Variants in CD3D observed in about 807,000 individuals in gnomAD.
CD3D encodes the protein CD3 delta subunit of T-cell receptor complex.
A neutral mutation model predicts 22.0 loss-of-function variants in CD3D; 22 were observed. The ratio of observed to expected loss-of-function variants is 1.00; its 90% CI spans 0.71 to 1.43. The LOEUF is 1.43. Ranked by LOEUF, CD3D falls within the 40% of genes most tolerant of loss-of-function variation. CD3D has a pLI of 0.00. For missense variants in CD3D, 205 were observed against 211.7 expected (o/e 0.97, Z 0.20); for synonymous variants, 74 against 81.2 (o/e 0.91, Z 0.48).
intron 3 of CD3D, 64 bp from the exon 4 acceptor site, chr11:118,339,558 C>A (rs938343493): frequency 6.3e-7 from 1 of 1,597,570 alleles, no homozygotes; most frequent in Non-Finnish European, 8.6e-7. Context: ...CACCCTCCCA[C>A]ACCCTCAGAA....
intron 4 of CD3D, 84 bp downstream of exon 4, chr11:118,339,367 C>T: frequency 1.9e-6 from 3 of 1,539,506 alleles, no homozygotes; most frequent in Non-Finnish European, 2.7e-6. Flanking sequence ...AGGACCCTTC[C>T]CACGTGCAAA....
chr11:118,340,764 C>T, intron 1 of CD3D, 171 bp from the exon 2 acceptor site: 1 of 695,724 alleles, frequency 1.4e-6, no homozygotes. Flanking sequence ...AGTTCCCCAC[C>T]AACTGCAGGG....
rs772480820 is a variant in CD3D at position 118,339,938 on chromosome 11, G to A, written c.275-32C>T. 3 of 1,613,666 alleles carry A rather than the reference G, an allele frequency of 1.9e-6. No homozygotes were observed. In the African/African-American group the frequency reaches 4.0e-5, roughly 22 times the overall value. ...GGGAAGGGAGGAGAGAGGAGAGGTT[G>A]AGAGCCTTTAAGATCAGGGAACCAT... is the stretch of plus-strand genomic sequence containing the variant. On this transcript the variant is annotated intron_variant, in intron 2 of 4. Coordinates refer to ENST00000300692, the MANE Select transcript of CD3D (RefSeq NM_000732.6).
Position 118,342,461 on chromosome 11 carries a change from G to A in CD3D, c.55+92C>T, listed in dbSNP as rs565377656. ...TCTGGGATTACTGGTGTGAGCCACC[G>A]TGCCTGGCAAGAAACACTTTCAAGT... On this transcript the variant is annotated intron_variant, in intron 1 of 4. Coordinates refer to ENST00000300692, the MANE Select transcript of CD3D (RefSeq NM_000732.6). 3.2e-4 allele frequency: 372 copies of A among 1,175,152 alleles called. 5 individuals carry two copies. The South Asian group carries it at 3.8e-3, about 12-fold the overall frequency. 72.8% of individuals were successfully genotyped at this position (1,175,152 alleles called of 1,614,324 possible).
chr11:118,339,240 A>G lies in CD3D; in HGVS notation c.451-13T>C. 6.2e-7 allele frequency: 1 copy of G among 1,612,764 alleles called. No individual in the cohort carries two copies. The highest frequency in any genetic ancestry group is 1.1e-5 in the South Asian group (1 of 91,040). ...GATCTCGGAGGGGCTAAGAGAGGAG[A>G]AGAGAAAACGGTCAGGAGGCAGGGT... On this transcript the variant is annotated splice_polypyrimidine_tract_variant and intron_variant, in intron 4 of 4. Coordinates refer to ENST00000300692, the MANE Select transcript of CD3D (RefSeq NM_000732.6).
In CD3D at chr11:118,340,457, G is replaced by T. The variant is rs1215317466; in HGVS notation, c.192C>A (p.Ile64=). The change falls in exon 2 of 5, where the codon ATC becomes ATA. Residue 64 remains isoleucine (I), a synonymous_variant. Transcript: ENST00000300692. ...ACCTATATATTCCTCGTGGGTCCAG[G>T]ATGCGTTTTCCCAGGTCCAGTCTTG... ...DITRLDLGKR[I]LDPRGIYRCN... is the part of the protein sequence containing the mutation. 1 of 1,613,934 alleles carries T rather than the reference G, an allele frequency of 6.2e-7. No individual in the cohort carries two copies. Among genetic ancestry groups the T allele is most frequent in the African/African-American group, 1.3e-5 (1 of 74,886 alleles).
At chr11:118,340,957 A>C in intron 1 of CD3D, 1 of 506,878 alleles carries the variant, frequency 2.0e-6, no homozygotes, top group South Asian at 1.5e-5. Flanking sequence ...AGACAGAAGA[A>C]CATTCCTCGA....
At chr11:118,339,999 G>A in intron 2 of CD3D, 93 bp from the exon 3 acceptor site, 1 of 1,496,264 alleles carries the variant, frequency 6.7e-7, no homozygotes, top group Non-Finnish European at 9.3e-7. Context: ...GATCTCTTAT[G>A]CCAAAACCCA....
At chr11:118,339,418 C>T (rs1211598343) in intron 4 of CD3D, 33 bp downstream of exon 4, 2 of 1,612,766 alleles carry the variant, frequency 1.2e-6, no homozygotes, top group East Asian at 2.2e-5. Flanking sequence ...CTTACCCTCC[C>T]TTCATTCCTG....
chr11:118,340,402 C>T lies in CD3D; in HGVS notation c.247G>A (p.Glu83Lys), dbSNP rs201889742. 5.6e-6 allele frequency: 9 copies of T among 1,614,092 alleles called. No individual in the cohort carries two copies. Among genetic ancestry groups the T allele is most frequent in the Non-Finnish European group, 7.6e-6 (9 of 1,179,948 alleles). Reference sequence around the variant, plus strand: ...CGATAATGAACTTGCACGGTAGATTCTTTGTCCTTGTATATATCTGTCCCA... The same window carrying T: ...CGATAATGAACTTGCACGGTAGATTTTTTGTCCTTGTATATATCTGTCCCA... ...CNGTDIYKDK[E>K]STVQVHYRMC... Residue 83 changes from glutamate (E) to lysine (K), a missense_variant, in exon 2 of 5, where the codon GAA becomes AAA. By Grantham distance (56) the Glu-to-Lys change is moderately conservative. Coordinates refer to ENST00000300692, the MANE Select transcript of CD3D (RefSeq NM_000732.6).
chr11:118,341,802 C>T (rs1300879677), intron 1 of CD3D, among the ~76,000 whole-genome samples: 2 of 152,192 alleles, frequency 1.3e-5, no homozygotes, highest in Non-Finnish European at 2.9e-5. Flanking sequence ...CTCAAATCTT[C>T]CCTCCGTCCT....
chr11:118,339,523 G>A, intron 3 of CD3D, 29 bp from the exon 4 acceptor site: 1 of 1,613,812 alleles, frequency 6.2e-7, no homozygotes, highest in Non-Finnish European at 8.5e-7. Flanking sequence ...GACATCAATG[G>A]CCTAGCAGAT....
Position 118,342,620 on chromosome 11 carries a change from C to T in CD3D, c.-13G>A, listed in dbSNP as rs1159014439. The T allele has an allele frequency of 1.2e-6, 2 of 1,612,956 alleles. No homozygotes were observed. Among genetic ancestry groups the T allele is most frequent in the African/African-American group, 2.7e-5 (2 of 74,908 alleles). ...TGCTATGTTCCATCTCCCAGCGGAA[C>T]TCATCCAGTAGATAAAGCCAGGTCA... On this transcript the variant is annotated 5_prime_UTR_variant, in exon 1 of 5. Coordinates refer to ENST00000300692, the MANE Select transcript of CD3D (RefSeq NM_000732.6).
chr11:118,339,176 C>A lies in CD3D; in HGVS notation c.502G>T (p.Ala168Ser). Residue 168 changes from alanine (A) to serine (S), a missense_variant, in exon 5 of 5, where the codon GCT (alanine) becomes TCT (serine). Ala to Ser is a moderately conservative substitution (Grantham distance 99, BLOSUM62 1). Coordinates refer to ENST00000300692, the MANE Select transcript of CD3D (RefSeq NM_000732.6). ...CAGTCTCAGGTTCACTTGTTCCGAG[C>A]CCAGTTTCCTCCAAGGTGGCTGTAC... The part of the protein sequence containing the change: ...AQYSHLGGNW[A>S]RNK 6.2e-7 allele frequency: 1 copy of A among 1,613,922 alleles called. No homozygotes were observed. The highest frequency in any genetic ancestry group is 8.5e-7 in the Non-Finnish European group (1 of 1,179,928).
intron 2 of CD3D, 130 bp from the exon 3 acceptor site, chr11:118,340,036 G>T: frequency 1.8e-6 from 2 of 1,082,826 alleles, no homozygotes; most frequent in Non-Finnish European, 2.8e-6. Context: ...TGGGAGAAAG[G>T]CCTGGTGATG....
chr11:118,339,445 G>A lies in CD3D; in HGVS notation c.450+6C>T, dbSNP rs193922617. The A allele has an allele frequency of 7.5e-5, 121 of 1,613,576 alleles. No individual in the cohort carries two copies. The Admixed American group carries it at 1.4e-3, about 19-fold the overall frequency. ...TCATTCCTGCCTCCTTCCCCTCAAC[G>A]CTCACCTGATAGACCTGGTCATTCC... On this transcript the variant is annotated splice_donor_region_variant and intron_variant, in intron 4 of 4. Transcript: ENST00000300692.
Position 118,339,487 on chromosome 11 carries a change from G to A in CD3D, c.414C>T (p.Asp138=). Residue 138 remains aspartate (D), a synonymous_variant, in exon 4 of 5, where the codon GAC becomes GAT. Coordinates refer to ENST00000300692, the MANE Select transcript of CD3D (RefSeq NM_000732.6). ...HETGRLSGAA[D]TQALLRNDQV... Reference sequence around the variant, plus strand: ...GGTCATTCCTCAACAGAGCTTGTGTGTCGGCAGCTAGAAGAACCAGAGAGA... The same window carrying A: ...GGTCATTCCTCAACAGAGCTTGTGTATCGGCAGCTAGAAGAACCAGAGAGA... 6.2e-7 allele frequency: 1 copy of A among 1,614,088 alleles called. No homozygotes were observed. Among genetic ancestry groups the A allele is most frequent in the South Asian group, 1.1e-5 (1 of 91,078 alleles).
chr11:118,339,128 T>C lies in CD3D; in HGVS notation c.*34A>G. 1 of 1,571,704 alleles carries C rather than the reference T, an allele frequency of 6.4e-7. No individual in the cohort carries two copies. Among genetic ancestry groups the C allele is most frequent in the Non-Finnish European group, 8.8e-7 (1 of 1,141,224 alleles). On this transcript the variant is annotated 3_prime_UTR_variant, in exon 5 of 5. Transcript: ENST00000300692. ...GAGCAAGAAGGGAAGGTACAGTTGG[T>C]AATGGCTGCTTCTAGAAGCCACCAG...
At chr11:118,339,737 C>A (rs1565517607) in intron 3 of CD3D, 38 bp downstream of exon 3, 3 of 1,611,342 alleles carry the variant, frequency 1.9e-6, no homozygotes, top group Middle Eastern at 1.7e-4. Context: ...CACACACACA[C>A]ACACAAACAC....
Sources: allele counts gnomAD v4.1 joint callset (sites outside exome capture counted in the v4.1 genomes callset), GRCh38; gene constraint gnomAD v4.1.1; transcripts MANE v1.5; gene names NCBI Gene and HGNC (gene_info 2026-07-23, HGNC 2026-07-21).